TRMO: variants seen among roughly 807,000 people sequenced by gnomAD.
The protein encoded by TRMO is tRNA (adenine(37)-N6)-methyltransferase.
TRMO carries 30 observed loss-of-function variants against 37.2 expected under a neutral mutation model. The ratio of observed to expected loss-of-function variants is 0.81; its 90% confidence interval spans 0.60 to 1.09. TRMO has a LOEUF of 1.09. Ranked by LOEUF, TRMO falls within the 50% of genes least tolerant of loss-of-function variation. The pLI is 0.00. For missense variants in TRMO, 552 were observed against 549.5 expected, an observed-to-expected ratio of 1.00 and a Z score of -0.05; for synonymous variants, 239 against 199.4, an observed-to-expected ratio of 1.20 and a Z score of -1.67.
intron 1 of TRMO, among the ~76,000 whole-genome samples, chr9:97,920,594 G>T (rs1184375513): frequency 6.6e-6 from 1 of 152,176 alleles, no homozygotes; most frequent in Non-Finnish European, 1.5e-5. Flanking sequence ...TCCCTGCTCA[G>T]GCTTTTTCCT....
chr9:97,910,127 C>T lies in TRMO; in HGVS notation c.899G>A (p.Gly300Glu). 6.2e-7 allele frequency: 1 copy of T among 1,614,136 alleles called. No individual in the cohort carries two copies. Among genetic ancestry groups the T allele is most frequent in the South Asian group, 1.1e-5 (1 of 91,082 alleles). The change falls in exon 4 of 5, where the codon GGA becomes GAA. Residue 300 changes from glycine to glutamate, a missense_variant. Transcript: ENST00000375119. ...CATGGGCTGTGTCTCTGCCCTGCTT[C>T]CTTGCAAGACTGCTGCTCCTTCCAC... ...ERVEGAAVLQ[G>E]SRAETQPMAP...
chr9:97,900,257 A>G (rs1227491229), downstream of TRMO, among the ~76,000 whole-genome samples: 3 of 152,214 alleles, frequency 2.0e-5, no homozygotes, highest in Non-Finnish European at 2.9e-5. Context: ...TTTCCCAAGC[A>G]TTATCCTGGC....
rs1587834141 is a variant in TRMO at position 97,910,467 on chromosome 9, T to C, written c.559A>G (p.Thr187Ala). ...GTCTTGCTGTCAGACTGGGACACAGTGTTTGGTGTATGTTGGTTATTCTGT... is the reference window on the plus strand; with the variant it reads ...GTCTTGCTGTCAGACTGGGACACAGCGTTTGGTGTATGTTGGTTATTCTGT... ...NLQNNQHTPN[T>A]VSQSDSKTDS... Residue 187 changes from threonine to alanine, a missense_variant, in exon 4 of 5, where the codon ACT (threonine) becomes GCT (alanine). Physicochemically the swap from Thr to Ala is moderately conservative, Grantham distance 58. Transcript: ENST00000375119. The C allele has an allele frequency of 9.3e-6, 15 of 1,614,154 alleles. No homozygotes were observed. Among genetic ancestry groups the C allele is most frequent in the Non-Finnish European group, 1.3e-5 (15 of 1,180,018 alleles).
At chr9:97,910,683 A>T in intron 3 of TRMO, 67 bp from the exon 4 acceptor site, 2 of 1,557,204 alleles carry the variant, frequency 1.3e-6, no homozygotes, top group Non-Finnish European at 1.7e-6. Context: ...CACGCCCCAG[A>T]ATCCTCTAAC....
downstream of TRMO, among the ~76,000 whole-genome samples, chr9:97,899,552 C>T (rs958950014): frequency 6.6e-6 from 1 of 152,046 alleles, no homozygotes; most frequent in Non-Finnish European, 1.5e-5. Context: ...GATCCTCCCA[C>T]CTCAGCCTCT....
Position 97,913,400 on chromosome 9 carries a change from C to A in TRMO, c.409+1G>T, listed in dbSNP as rs1300765233. On this transcript the variant is annotated splice_donor_variant, in intron 3 of 4. Coordinates refer to ENST00000375119, the MANE Select transcript of TRMO (RefSeq NM_016481.5). LOFTEE classifies it high-confidence loss of function. ...GTAAAAGTAGAAATGAAATGGGTTA[C>A]CTTCTACCTTTTCCAGCTTGGCCAG... 3 of 1,613,742 alleles carry A rather than the reference C, an allele frequency of 1.9e-6. No homozygotes were observed. In the South Asian group the frequency reaches 3.3e-5, roughly 18 times the overall value.
Position 97,910,316 on chromosome 9 carries a change from G to A in TRMO, c.710C>T (p.Thr237Ile), listed in dbSNP as rs1826055243. ...AGGAAATGCTTGCTGAATTCTGGCT[G>A]TGTCACTGTGTGTCAGGTAGTTTTC... ...SEENYLTHSD[T>I]ARIQQAFPMH... The change falls in exon 4 of 5, where the codon ACA (threonine) becomes ATA (isoleucine). Residue 237 changes from threonine to isoleucine, a missense_variant. Transcript: ENST00000375119. 7 of 1,614,196 alleles carry A rather than the reference G, an allele frequency of 4.3e-6. No individual in the cohort carries two copies. In the East Asian group the frequency reaches 1.3e-4, roughly 31 times the overall value.
At chr9:97,897,536 C>T in the TRMO span, among the ~76,000 whole-genome samples, 2 of 152,148 alleles carry the variant, frequency 1.3e-5, no homozygotes, top group African/African-American at 4.8e-5. Flanking sequence ...ATTTGCTGAC[C>T]CCTCTTCTAA....
downstream of TRMO, chr9:97,900,819 C>A (rs1401272612): frequency 1.5e-6 from 1 of 645,374 alleles, no homozygotes; most frequent in East Asian, 1.4e-4. Context: ...GGTTGATTCA[C>A]GTCAACTTCA....
At chr9:97,899,074 G>A in the TRMO span, among the ~76,000 whole-genome samples, 2 of 151,762 alleles carry the variant, frequency 1.3e-5, no homozygotes, top group South Asian at 2.1e-4. Flanking sequence ...TCCCGACCTC[G>A]TGATCCGCCC....
rs1564107084 is a variant in TRMO at position 97,910,065 on chromosome 9, G to T, written c.961C>A (p.Pro321Thr). The change falls in exon 4 of 5, where the codon CCC becomes ACC. Residue 321 changes from proline to threonine, a missense_variant. Physicochemically the swap from Pro to Thr is conservative, Grantham distance 38 (BLOSUM62 -1). Transcript: ENST00000375119. Reference protein sequence around the residue: ...HCPAGRADGAPRSVVPAWVTE... With the variant: ...HCPAGRADGATRSVVPAWVTE... ...ACCCAGGCAGGAACCACGCTGCGGG[G>T]AGCTCCATCAGCCCTTCCAGCAGGG... The T allele has an allele frequency of 6.2e-7, 1 of 1,613,250 alleles. No individual in the cohort carries two copies. The highest frequency in any genetic ancestry group is 1.1e-5 in the South Asian group (1 of 91,074).
In TRMO at chr9:97,904,842, A is replaced by G; in HGVS notation, c.1217T>C (p.Val406Ala). The change falls in exon 5 of 5, where the codon GTC becomes GCC. Residue 406 changes from valine to alanine, a missense_variant. Val to Ala is a moderately conservative substitution (Grantham distance 64). Coordinates refer to ENST00000375119, the MANE Select transcript of TRMO (RefSeq NM_016481.5). ...LFYFTVDIAHVTCWFGDGFAE... is the reference protein window; with the variant it reads ...LFYFTVDIAHATCWFGDGFAE... ...AAAGCCATCACCAAACCAGCAAGTG[A>G]CATGCGCTATGTCTACAGTAAAGTA... is the stretch of plus-strand genomic sequence containing the variant. 2 of 1,614,216 alleles carry G rather than the reference A, an allele frequency of 1.2e-6. No homozygotes were observed. The highest frequency in any genetic ancestry group is 1.7e-6 in the Non-Finnish European group (2 of 1,180,040).
downstream of TRMO, among the ~76,000 whole-genome samples, chr9:97,901,627 CA>C (rs1341683045): frequency 6.6e-6 from 1 of 151,994 alleles, no homozygotes; most frequent in Non-Finnish European, 1.5e-5. Context: ...AAATCAATGA[CA>C]GTTTTAAAAC....
intron 1 of TRMO, 109 bp downstream of exon 1, chr9:97,922,309 T>C (rs959335416): frequency 9.5e-6 from 7 of 736,898 alleles, no homozygotes; most frequent in East Asian, 2.8e-5. Context: ...GGTAAAAGAA[T>C]GACGCACGTC....
In TRMO at chr9:97,909,964, T is replaced by C; in HGVS notation, c.1062A>G (p.Ser354=). 9.2e-6 allele frequency: 14 copies of C among 1,524,882 alleles called. No individual in the cohort carries two copies. Among genetic ancestry groups the C allele is most frequent in the South Asian group, 1.3e-5 (1 of 77,134 alleles). The allele number at this position is 1,524,882 out of a possible 1,614,324, so 94.5% of individuals were successfully genotyped here. A position where few individuals can be genotyped will look rare whatever the true frequency, so the allele number is the denominator to read the frequency against. ...HAEMDLGQLS[S]QDVGQASFKY... ...GAATGAAGAAACTGAAGATACCTTG[T>C]GAACTGAGCTGCCCAAGGTCCATCT... is the stretch of plus-strand genomic sequence containing the variant. Residue 354 remains serine, a synonymous_variant, in exon 4 of 5, where the codon TCA becomes TCG. Transcript: ENST00000375119.
intron 1 of TRMO, among the ~76,000 whole-genome samples, chr9:97,921,423 ATTTTTTT>A (rs1205049397): frequency 1.4e-4 from 19 of 140,254 alleles, no homozygotes; most frequent in Admixed American, 5.0e-4. Context: ...CAAAGTGTTA[ATTTTTTT>A]TTTTTTTTTT....
intron 3 of TRMO, chr9:97,912,051 C>A (rs571273874): frequency 1.3e-5 from 2 of 152,296 alleles, no homozygotes; most frequent in Admixed American, 6.5e-5. Flanking sequence ...AGTCAGATGA[C>A]CACCTGGCTG....
At chr9:97,921,455 G>A (rs1295231766) in intron 1 of TRMO, among the ~76,000 whole-genome samples, 2 of 144,940 alleles carry the variant, frequency 1.4e-5, no homozygotes, top group African/African-American at 5.1e-5. Context: ...ACGGAGTCTC[G>A]CTCTGTCGCC....
At chr9:97,917,746 T>G (rs1416309552) in intron 1 of TRMO, among the ~76,000 whole-genome samples, 5 of 152,098 alleles carry the variant, frequency 3.3e-5, no homozygotes, top group African/African-American at 1.2e-4. Context: ...TGGCACAATC[T>G]CGGCTCACTG....
Sources: gnomAD v4.1 joint callset for allele counts (sites outside exome capture counted in the v4.1 genomes callset) on GRCh38, gnomAD v4.1.1 for gene constraint, MANE v1.5 for transcripts, NCBI Gene and HGNC (gene_info 2026-07-23, HGNC 2026-07-21) for gene names.